CACNA1B: variants seen among roughly 807,000 people sequenced by gnomAD.
The protein encoded by CACNA1B is calcium voltage-gated channel subunit alpha1 B.
In CACNA1B, 70 loss-of-function variants were observed where a neutral mutation model predicts 247.2. That is an observed-to-expected ratio of 0.28 (90% CI 0.23 to 0.35). CACNA1B has a LOEUF of 0.35. Ranked by LOEUF, CACNA1B falls within the 10% of genes least tolerant of loss-of-function variation. The pLI is 1.00. For missense variants in CACNA1B, 2,367 were observed against 3,197.4 expected, an observed-to-expected ratio of 0.74 and a Z score of 6.26; for synonymous variants, 1,231 against 1,294.4, an observed-to-expected ratio of 0.95 and a Z score of 1.05.
intron 15 of CACNA1B, among the ~76,000 whole-genome samples, chr9:137,994,161 A>G (rs1382625750): frequency 1.3e-5 from 2 of 152,254 alleles, no homozygotes; most frequent in Non-Finnish European, 2.9e-5. Context: ...TTTTATGATT[A>G]AGTCCTCAGC....
intron 3 of CACNA1B, among the ~76,000 whole-genome samples, chr9:137,905,600 T>C (rs1957290462): frequency 6.6e-6 from 1 of 152,228 alleles, no homozygotes; most frequent in African/African-American, 2.4e-5. Context: ...AATGGTTCAA[T>C]ACTTTCTATA....
intron 42 of CACNA1B, among the ~76,000 whole-genome samples, chr9:138,116,480 C>T (rs1961872115): frequency 6.6e-6 from 1 of 152,228 alleles, no homozygotes; most frequent in Non-Finnish European, 1.5e-5. Flanking sequence ...CATTCCCACA[C>T]TGCTTTCAGC....
chr9:138,107,720 C>T (rs1233713536), intron 39 of CACNA1B, among the ~76,000 whole-genome samples: 1 of 152,100 alleles, frequency 6.6e-6, no homozygotes, highest in African/African-American at 2.4e-5. Flanking sequence ...CGCAGTGGCT[C>T]ACGTCTGTAG....
At chr9:138,111,227 T>TC (rs2131361072) in intron 39 of CACNA1B, among the ~76,000 whole-genome samples, 2 of 152,316 alleles carry the variant, frequency 1.3e-5, no homozygotes, top group South Asian at 4.1e-4. Flanking sequence ...TTATTCAAAA[T>TC]TGCCCCAAAC....
At chr9:138,076,524 C>G (rs1235018416) in intron 35 of CACNA1B, among the ~76,000 whole-genome samples, 1 of 152,184 alleles carries the variant, frequency 6.6e-6, no homozygotes, top group African/African-American at 2.4e-5. Context: ...CTGGAGGGGC[C>G]AAGAGGCCAT....
chr9:137,971,448 AAGG>A lies in CACNA1B; in HGVS notation c.1402_1404del (p.Glu468del). 1 of 1,613,608 alleles carries A rather than the reference AAGG, an allele frequency of 6.2e-7. No homozygotes were observed. Reference sequence around the variant, plus strand: ...AGAGAGCTCGTCATACTTCCGGAGGAAGGAGAAGATGTTCCGGTTTTTTATCCG... The same window carrying A: ...AGAGAGCTCGTCATACTTCCGGAGGAAGAAGATGTTCCGGTTTTTTATCCG... On this transcript the variant is annotated inframe_deletion, in exon 11 of 47. Transcript: ENST00000371372. This position sits in a 1 kb window ranked among gnomAD's most constrained non-coding sequence, Gnocchi z 4.4.
intron 32 of CACNA1B, among the ~76,000 whole-genome samples, chr9:138,071,518 G>A (rs368822458): frequency 5.3e-5 from 8 of 152,258 alleles, no homozygotes; most frequent in Admixed American, 3.3e-4. Flanking sequence ...TGTGGCTGCC[G>A]TCACCGTCTG....
At position 137,899,259 on chromosome 9, in the gene CACNA1B, G is replaced by A. The variant is rs556011800; in HGVS notation, c.531-13921G>A. ...GCTCCACCATGCCAGGCTAATTTTT[G>A]TATTTTTTTTTTTAGTAGAGGTGGG... On this transcript the variant is annotated intron_variant, in intron 3 of 46. Transcript: ENST00000371372. This position sits in a 1 kb window ranked among gnomAD's most constrained non-coding sequence, Gnocchi z 5.0. 6.6e-4 allele frequency among the ~76,000 whole-genome samples: 99 copies of A among 151,064 alleles called. 2 individuals carry two copies. Among genetic ancestry groups the A allele is most frequent in the Non-Finnish European group, 1.2e-4 (8 of 67,792 alleles).
intron 6 of CACNA1B, among the ~76,000 whole-genome samples, chr9:137,936,254 C>T (rs1015653520): frequency 1.3e-5 from 2 of 152,130 alleles, no homozygotes; most frequent in Non-Finnish European, 2.9e-5. Flanking sequence ...TGATGATGAG[C>T]GTTTTTTCAT....
intron 3 of CACNA1B, among the ~76,000 whole-genome samples, chr9:137,886,099 C>T (rs1442254653): frequency 4.0e-5 from 6 of 151,636 alleles, no homozygotes; most frequent in Admixed American, 6.6e-5. Context: ...CTCCTGTGGT[C>T]GTCTGAGTGG....
chr9:138,041,914 C>T (rs773921253), intron 20 of CACNA1B, among the ~76,000 whole-genome samples: 2 of 152,048 alleles, frequency 1.3e-5, no homozygotes, highest in East Asian at 3.9e-4. Context: ...GCCAACACAC[C>T]CTAATTTTTT....
chr9:137,884,928 T>TCTCTCTCC (rs1215109499), intron 3 of CACNA1B, among the ~76,000 whole-genome samples: 8 of 113,300 alleles, frequency 7.1e-5, no homozygotes, highest in African/African-American at 2.8e-4. Context: ...TTTCTCTTCA[T>TCTCTCTCC]CTCTCTCCCT....
At chr9:138,032,113 T>G (rs942851225) in intron 20 of CACNA1B, among the ~76,000 whole-genome samples, 4 of 152,110 alleles carry the variant, frequency 2.6e-5, no homozygotes, top group African/African-American at 9.7e-5. Flanking sequence ...TTGAATGTAC[T>G]TTAGAATTCC....
chr9:138,118,390 T>C (rs1467736113), intron 43 of CACNA1B, among the ~76,000 whole-genome samples: 1 of 62,386 alleles, frequency 1.6e-5, no homozygotes, highest in Non-Finnish European at 2.9e-5. Context: ...CATGTGAGAC[T>C]AGGGTGGGGG....
intron 44 of CACNA1B, 134 bp downstream of exon 44, chr9:138,118,902 C>G: frequency 1.7e-6 from 1 of 604,682 alleles, no homozygotes; most frequent in Non-Finnish European, 2.9e-6. Context: ...GAGCTCTTTG[C>G]TGAGGCAGGA....
chr9:138,002,844 A>G (rs1261460929), intron 15 of CACNA1B, among the ~76,000 whole-genome samples: 1 of 151,132 alleles, frequency 6.6e-6, no homozygotes, highest in Non-Finnish European at 1.5e-5. Flanking sequence ...TCTGTTGCCC[A>G]GGCTGGAGTG....
At chr9:138,006,646 A>G (rs1300199316) in intron 15 of CACNA1B, 121 bp from the exon 16 acceptor site, 2 of 661,076 alleles carry the variant, frequency 3.0e-6, no homozygotes, top group Admixed American at 2.1e-5. Flanking sequence ...CTGGATGTGC[A>G]TGTGTGGACG....
At position 138,023,749 on chromosome 9, in the gene CACNA1B, GGAGAAGGAGGCT is replaced by G; in HGVS notation, c.3011_3022del (p.Lys1004_Glu1007del). The G allele has an allele frequency of 6.5e-7, 1 of 1,536,424 alleles. No individual in the cohort carries two copies. Among genetic ancestry groups the G allele is most frequent in the African/African-American group, 1.4e-5 (1 of 72,368 alleles). ...AGGAGACCACGGAGAAGGAGGCCAC[GGAGAAGGAGGCT>G]GAGATAGTGGAAGCCGACAAGGAAA... On this transcript the variant is annotated inframe_deletion, in exon 19 of 47. Transcript: ENST00000371372.
intron 10 of CACNA1B, among the ~76,000 whole-genome samples, chr9:137,968,822 A>G (rs746387338): frequency 6.6e-6 from 1 of 152,272 alleles, no homozygotes; most frequent in Non-Finnish European, 1.5e-5. Context: ...GCAGTACTTC[A>G]CTGTGTCATC....
Sources: gnomAD v4.1 joint callset for allele counts (sites outside exome capture counted in the v4.1 genomes callset) on GRCh38, gnomAD v4.1.1 for gene constraint, Gnocchi (gnomAD v3.1) non-coding constraint, MANE v1.5 for transcripts, NCBI Gene and HGNC (gene_info 2026-07-23, HGNC 2026-07-21) for gene names.